SORCS1: variants seen among roughly 807,000 people sequenced by gnomAD.
SORCS1 encodes the protein sortilin related VPS10 domain containing receptor 1.
SORCS1 carries 60 observed loss-of-function variants against 146.1 expected under a neutral mutation model. The observed-to-expected ratio is 0.41, with a 90% confidence interval of 0.33 to 0.51. The LOEUF (loss-of-function observed/expected upper bound fraction) is 0.51, where lower values mean the gene tolerates loss of function less well. SORCS1 is among the 20% of genes least tolerant of loss of function. The pLI is 0.21. For synonymous variants in SORCS1, 637 were observed against 584.0 expected (o/e 1.09, Z -1.31); for missense variants, 1,352 against 1,487.6 (o/e 0.91, Z 1.50).
chr10:106,888,476 A>T (rs551056388), intron 2 of SORCS1, among the ~76,000 whole-genome samples: 1 of 136,486 alleles, frequency 7.3e-6, no homozygotes, highest in South Asian at 2.3e-4. Context: ...TAGGGTCAGT[A>T]TTTAGCTAAG....
intron 1 of SORCS1, among the ~76,000 whole-genome samples, chr10:107,072,642 G>A (rs1590070701): frequency 2.0e-5 from 3 of 150,904 alleles, no homozygotes; most frequent in Admixed American, 6.6e-5. Flanking sequence ...GACACATGGC[G>A]AGAGGGAGAG....
chr10:107,001,400 G>T (rs919052509), intron 1 of SORCS1, among the ~76,000 whole-genome samples: 1 of 152,174 alleles, frequency 6.6e-6, no homozygotes, highest in Admixed American at 6.5e-5. Flanking sequence ...ACAGAGGGGG[G>T]TCAAGTTTGC....
the SORCS1 span, among the ~76,000 whole-genome samples, chr10:107,170,518 G>T: frequency 1.3e-5 from 2 of 152,166 alleles, no homozygotes; most frequent in Non-Finnish European, 2.9e-5. Flanking sequence ...GATGAATGAG[G>T]TTAATATAAA....
chr10:107,095,900 T>C (rs1006347268), intron 1 of SORCS1, among the ~76,000 whole-genome samples: 2 of 152,134 alleles, frequency 1.3e-5, no homozygotes, highest in Non-Finnish European at 1.5e-5. Context: ...AATAAACCTA[T>C]AATATAGCCC....
intron 14 of SORCS1, among the ~76,000 whole-genome samples, chr10:106,673,584 C>T (rs1851778445): frequency 6.6e-6 from 1 of 152,184 alleles, no homozygotes; most frequent in African/African-American, 2.4e-5. Context: ...TATTGTGCCA[C>T]AGGATTGGTT....
At chr10:106,800,777 G>T (rs1001705015) in intron 3 of SORCS1, among the ~76,000 whole-genome samples, 2 of 152,072 alleles carry the variant, frequency 1.3e-5, no homozygotes, top group Non-Finnish European at 2.9e-5. Flanking sequence ...TCCTGACCTT[G>T]TGATCTGCCT....
chr10:106,995,175 G>C, intron 1 of SORCS1, among the ~76,000 whole-genome samples: 1 of 152,090 alleles, frequency 6.6e-6, no homozygotes, highest in East Asian at 1.9e-4. Flanking sequence ...TTAGCTGGGC[G>C]TGGTGGCGGG....
At chr10:106,903,595 C>G (rs1951803470) in intron 2 of SORCS1, among the ~76,000 whole-genome samples, 1 of 152,172 alleles carries the variant, frequency 6.6e-6, no homozygotes, top group Non-Finnish European at 1.5e-5. Flanking sequence ...ATCAAACTGA[C>G]TCAGCAGGAC....
intron 6 of SORCS1, among the ~76,000 whole-genome samples, chr10:106,720,124 T>A (rs1463349137): frequency 6.6e-6 from 1 of 152,196 alleles, no homozygotes; most frequent in Non-Finnish European, 1.5e-5. Flanking sequence ...CCACTTCTCA[T>A]ACAAATACTT....
chr10:107,169,812 A>G, the SORCS1 span, among the ~76,000 whole-genome samples: 4 of 152,136 alleles, frequency 2.6e-5, no homozygotes, highest in Non-Finnish European at 5.9e-5. Flanking sequence ...GTTTTGTCCA[A>G]TTCTGTTCCC....
intron 23 of SORCS1, chr10:106,600,340 C>T (rs1027248993): frequency 1.1e-5 from 11 of 971,506 alleles, no homozygotes; most frequent in East Asian, 1.1e-4. Context: ...ACAGAAAGTA[C>T]GTTTCATATA....
At chr10:106,817,200 T>G (rs1354093058) in intron 3 of SORCS1, among the ~76,000 whole-genome samples, 1 of 151,998 alleles carries the variant, frequency 6.6e-6, no homozygotes, top group East Asian at 1.9e-4. Flanking sequence ...GTTCAGCTGT[T>G]TTCCTGGACA....
At position 106,872,743 on chromosome 10, in the gene SORCS1, A is replaced by G. The variant is rs184106064; in HGVS notation, c.627-43070T>C. On this transcript the variant is annotated intron_variant, in intron 2 of 25. Transcript: ENST00000263054. Reference sequence around the variant, plus strand: ...GAACACAGGAGATATAATCTGAGGTACCAAAAGACAAAATTAGATAGGACA... The same window carrying G: ...GAACACAGGAGATATAATCTGAGGTGCCAAAAGACAAAATTAGATAGGACA... Among the ~76,000 whole-genome samples, 17 of 152,322 alleles carry G rather than the reference A, an allele frequency of 1.1e-4. No individual in the cohort carries two copies. In the East Asian group the frequency reaches 3.3e-3, roughly 29 times the overall value.
At chr10:106,815,344 T>C (rs145059839) in intron 3 of SORCS1, among the ~76,000 whole-genome samples, 60 of 152,212 alleles carry the variant, frequency 3.9e-4, no homozygotes, top group African/African-American at 1.3e-3. Flanking sequence ...AGCAACAAAC[T>C]AAGCAGTTGT....
intron 18 of SORCS1, among the ~76,000 whole-genome samples, chr10:106,640,851 G>A (rs1460300537): frequency 6.6e-6 from 1 of 152,184 alleles, no homozygotes; most frequent in African/African-American, 2.4e-5. Flanking sequence ...TAAAAGTCAG[G>A]CATGGTTTGA....
At chr10:106,773,074 GC>G (rs1241027876) in intron 4 of SORCS1, among the ~76,000 whole-genome samples, 1 of 152,138 alleles carries the variant, frequency 6.6e-6, no homozygotes, top group African/African-American at 2.4e-5. Flanking sequence ...CATAGGAATT[GC>G]CACCTCAATA....
chr10:106,864,761 C>T (rs552562285), intron 2 of SORCS1, among the ~76,000 whole-genome samples: 18 of 152,314 alleles, frequency 1.2e-4, no homozygotes, highest in African/African-American at 3.6e-4. Context: ...GCCATATTGG[C>T]TGTGTGGCAG....
chr10:106,784,392 CAAA>C (rs149140867), intron 3 of SORCS1, among the ~76,000 whole-genome samples: 47 of 102,268 alleles, frequency 4.6e-4, no homozygotes, highest in Admixed American at 4.2e-4. Flanking sequence ...GAGACTCCGT[CAAA>C]AAAAAAAAAA....
chr10:107,050,329 C>T (rs1292189045), intron 1 of SORCS1, among the ~76,000 whole-genome samples: 1 of 152,040 alleles, frequency 6.6e-6, no homozygotes, highest in Non-Finnish European at 1.5e-5. Flanking sequence ...AGAAAAATCA[C>T]ATGTGAGAAA....
Sources: allele counts gnomAD v4.1 joint callset (sites outside exome capture counted in the v4.1 genomes callset), GRCh38; gene constraint gnomAD v4.1.1; transcripts MANE v1.5; gene names NCBI Gene and HGNC (gene_info 2026-07-23, HGNC 2026-07-21).